NRG3: variants seen among roughly 807,000 people sequenced by gnomAD.
The protein encoded by NRG3 is pro-neuregulin-3, membrane-bound isoform.
NRG3 carries 31 observed loss-of-function variants against 66.9 expected under a neutral mutation model. The observed-to-expected ratio is 0.46, with a 90% CI of 0.35 to 0.63. NRG3 has a LOEUF of 0.63. NRG3 is among the 20% of genes least tolerant of loss of function. NRG3 has a pLI of 0.00. For missense variants in NRG3, 910 were observed against 878.9 expected (o/e 1.04, Z -0.45); for synonymous variants, 393 against 359.4 (o/e 1.09, Z -1.06).
intron 3 of NRG3, among the ~76,000 whole-genome samples, chr10:82,766,213 C>T (rs924667772): frequency 4.6e-5 from 7 of 152,040 alleles, no homozygotes; most frequent in South Asian, 4.1e-4. Context: ...ATTATTTTTA[C>T]GTGTGAATGT....
chr10:82,659,011 A>G (rs1362235428), intron 2 of NRG3, among the ~76,000 whole-genome samples: 1 of 152,202 alleles, frequency 6.6e-6, no homozygotes, highest in Non-Finnish European at 1.5e-5. Flanking sequence ...CTCTTTGACA[A>G]TGGAATTTCA....
intron 3 of NRG3, among the ~76,000 whole-genome samples, chr10:82,747,059 G>A (rs545799280): frequency 1.3e-5 from 2 of 152,072 alleles, no homozygotes; most frequent in African/African-American, 4.8e-5. Flanking sequence ...CTCCAGCCTG[G>A]GTGATGTAGT....
intron 1 of NRG3, among the ~76,000 whole-genome samples, chr10:82,348,110 A>T (rs1446289198): frequency 6.7e-6 from 1 of 148,244 alleles, no homozygotes; most frequent in African/African-American, 2.6e-5. Context: ...TCCTGTCATT[A>T]TGATGTTAGC....
intron 4 of NRG3, among the ~76,000 whole-genome samples, chr10:82,941,195 A>G (rs896944346): frequency 1.2e-4 from 18 of 151,588 alleles, no homozygotes; most frequent in African/African-American, 3.9e-4. Context: ...TCTTCCTGAT[A>G]TTCTTATTAT....
intron 1 of NRG3, among the ~76,000 whole-genome samples, chr10:82,247,777 G>C (rs561528787): frequency 6.6e-6 from 1 of 152,262 alleles, no homozygotes; most frequent in South Asian, 2.1e-4. Context: ...GATATTTCTA[G>C]TAATTTATAA....
chr10:82,196,890 C>A (rs752050935), intron 1 of NRG3, among the ~76,000 whole-genome samples: 1 of 152,184 alleles, frequency 6.6e-6, no homozygotes, highest in Non-Finnish European at 1.5e-5. Context: ...TCTTAGGAAT[C>A]ACTCTTTCAT....
intron 1 of NRG3, among the ~76,000 whole-genome samples, chr10:81,972,980 T>G (rs551182298): frequency 5.9e-5 from 9 of 152,300 alleles, no homozygotes; most frequent in African/African-American, 2.2e-4. Flanking sequence ...GGTAAACTTG[T>G]GTCATGGGGC....
intron 4 of NRG3, among the ~76,000 whole-genome samples, chr10:82,910,183 G>T (rs902840415): frequency 3.3e-5 from 5 of 152,166 alleles, no homozygotes; most frequent in Admixed American, 1.3e-4. Flanking sequence ...AGACAAATTT[G>T]TAAAGACTTG....
At chr10:82,723,753 G>A (rs2783406) in intron 2 of NRG3, among the ~76,000 whole-genome samples, 96,918 of 151,370 alleles carry the variant, frequency 0.64, 31,413 homozygotes, top group East Asian at 0.84. Context: ...GCCGAGGTGG[G>A]CAGATCACTT....
At chr10:82,606,724 C>G (rs1262678342) in intron 2 of NRG3, among the ~76,000 whole-genome samples, 1 of 152,144 alleles carries the variant, frequency 6.6e-6, no homozygotes, top group East Asian at 1.9e-4. Context: ...GCACACTAAC[C>G]ACCTGCTCCT....
chr10:82,132,516 G>GATATGAT (rs2068975114), intron 1 of NRG3, among the ~76,000 whole-genome samples: 18 of 11,834 alleles, frequency 1.5e-3, no homozygotes, highest in African/African-American at 6.9e-3. Flanking sequence ...ATATATATAT[G>GATATGAT]ATATATATGA....
chr10:82,184,725 CA>C (rs1229105654), intron 1 of NRG3, among the ~76,000 whole-genome samples: 2 of 152,050 alleles, frequency 1.3e-5, no homozygotes, highest in Non-Finnish European at 2.9e-5. Context: ...TTAGCTTCTA[CA>C]AAATGTAAGT....
At chr10:82,464,835 G>T (rs575501672) in intron 2 of NRG3, among the ~76,000 whole-genome samples, 3 of 152,254 alleles carry the variant, frequency 2.0e-5, no homozygotes, top group East Asian at 1.9e-4. Context: ...AGAGTATATG[G>T]CTCTCTCAAC....
intron 2 of NRG3, among the ~76,000 whole-genome samples, chr10:82,731,355 A>G (rs1163543841): frequency 3.9e-5 from 5 of 129,670 alleles, no homozygotes; most frequent in Non-Finnish European, 8.0e-5. Context: ...TTACAGAGAG[A>G]TACTCTGTCT....
At chr10:82,335,563 GAGCCC>G (rs1311023908) in intron 1 of NRG3, among the ~76,000 whole-genome samples, 1 of 152,062 alleles carries the variant, frequency 6.6e-6, no homozygotes, top group Non-Finnish European at 1.5e-5. Context: ...GGGATCACTT[GAGCCC>G]AGAAGTTTAA....
chr10:82,200,942 A>G (rs1246428913), intron 1 of NRG3, among the ~76,000 whole-genome samples: 1 of 152,120 alleles, frequency 6.6e-6, no homozygotes, highest in Non-Finnish European at 1.5e-5. Context: ...TCACACCTGT[A>G]ATCCCAGCAC....
In NRG3 at chr10:82,856,688, G is replaced by A. The variant is rs564314974; in HGVS notation, c.1028-8723G>A. 2.9e-5 allele frequency among the ~76,000 whole-genome samples: 4 copies of A among 138,100 alleles called. No individual in the cohort carries two copies. The East Asian group carries it at 8.9e-4, about 31-fold the overall frequency. The allele number at this position is 138,100 out of a possible 152,430, so 90.6% of individuals were successfully genotyped here. On this transcript the variant is annotated intron_variant, in intron 3 of 8. Transcript: ENST00000372141. ...AAACCTGGGAGGCAGAGGCTGCAGTGAGCCGAGATTGTGCCATTGCACTCC... is the reference window on the plus strand; with the variant it reads ...AAACCTGGGAGGCAGAGGCTGCAGTAAGCCGAGATTGTGCCATTGCACTCC...
At chr10:82,062,701 T>A (rs561445293) in intron 1 of NRG3, among the ~76,000 whole-genome samples, 1 of 152,078 alleles carries the variant, frequency 6.6e-6, no homozygotes, top group Non-Finnish European at 1.5e-5. Context: ...ATGGAGAGGC[T>A]ATGCTGTCTT....
intron 7 of NRG3, among the ~76,000 whole-genome samples, chr10:82,977,598 CAAAAAA>C (rs766341428): frequency 1.8e-5 from 1 of 55,450 alleles, no homozygotes. Context: ...GACTCTGTCT[CAAAAAA>C]AAAAAAAAAA....
Sources: gnomAD v4.1 joint callset for allele counts (sites outside exome capture counted in the v4.1 genomes callset) on GRCh38, gnomAD v4.1.1 for gene constraint, MANE v1.5 for transcripts, NCBI Gene and HGNC (gene_info 2026-07-23, HGNC 2026-07-21) for gene names.